The following PALS1 variants were observed in gnomAD, a reference collection of about 807,000 sequenced individuals.
PALS1 encodes the protein protein associated with LIN7 1, MAGUK p55 family member.
A neutral mutation model predicts 78.9 loss-of-function variants in PALS1; 31 were observed. The ratio of observed to expected loss-of-function variants is 0.39; its 90% CI spans 0.30 to 0.53. The LOEUF (loss-of-function observed/expected upper bound fraction) is 0.53, where lower values mean the gene tolerates loss of function less well. PALS1 is among the 20% of genes least tolerant of loss of function. PALS1 has a pLI of 0.67. For synonymous variants in PALS1, 276 were observed against 270.9 expected, an observed-to-expected ratio of 1.02 and a Z score of -0.18; for missense variants, 704 against 826.5, an observed-to-expected ratio of 0.85 and a Z score of 1.82.
chr14:67,261,972 T>G (rs1056958261), intron 1 of PALS1, among the ~76,000 whole-genome samples: 4 of 152,152 alleles, frequency 2.6e-5, no homozygotes, highest in Admixed American at 2.6e-4. Flanking sequence ...GAAGGAAGCA[T>G]GTAGTCAGCA....
At chr14:67,318,822 C>A (rs965835814) in intron 11 of PALS1, among the ~76,000 whole-genome samples, 1 of 152,050 alleles carries the variant, frequency 6.6e-6, no homozygotes, top group Non-Finnish European at 1.5e-5. Context: ...CTTTGGGAGG[C>A]CGAGGCAGGC....
At chr14:67,251,922 A>G (rs1051727878) in intron 1 of PALS1, among the ~76,000 whole-genome samples, 2 of 152,218 alleles carry the variant, frequency 1.3e-5, no homozygotes, top group Non-Finnish European at 1.5e-5. Context: ...CCAGTCACCA[A>G]TGGCCAGTAA....
At chr14:67,255,878 G>T (rs748994353) in intron 1 of PALS1, among the ~76,000 whole-genome samples, 2 of 152,264 alleles carry the variant, frequency 1.3e-5, no homozygotes, top group Middle Eastern at 3.4e-3. Context: ...GTAGAGACGG[G>T]GTTTCACCAT....
chr14:67,310,705 TTA>T (rs1365825393), intron 8 of PALS1, among the ~76,000 whole-genome samples: 1 of 152,226 alleles, frequency 6.6e-6, no homozygotes, highest in African/African-American at 2.4e-5. Flanking sequence ...TTTTTTAACC[TTA>T]GTTTCAGTTT....
intron 4 of PALS1, among the ~76,000 whole-genome samples, chr14:67,300,887 T>G: frequency 6.6e-6 from 1 of 152,104 alleles, no homozygotes; most frequent in Non-Finnish European, 1.5e-5. Flanking sequence ...AGACAGGGTC[T>G]CACTGTGTTG....
intron 3 of PALS1, among the ~76,000 whole-genome samples, chr14:67,287,612 A>G (rs551166789): frequency 6.6e-6 from 1 of 152,374 alleles, no homozygotes; most frequent in East Asian, 1.9e-4. Context: ...TAGGGGTATG[A>G]ATTGGTACAA....
At chr14:67,262,631 GT>G in intron 1 of PALS1, among the ~76,000 whole-genome samples, 1 of 152,164 alleles carries the variant, frequency 6.6e-6, no homozygotes, top group Admixed American at 6.5e-5. Context: ...GTCAACTCTG[GT>G]TACAGTATAG....
At chr14:67,273,341 C>G (rs749596525) in intron 2 of PALS1, among the ~76,000 whole-genome samples, 2 of 139,694 alleles carry the variant, frequency 1.4e-5, no homozygotes, top group Non-Finnish European at 3.0e-5. Context: ...TCTCATTTTT[C>G]AATTCCCACC....
intron 3 of PALS1, among the ~76,000 whole-genome samples, chr14:67,289,387 A>AT (rs1254339536): frequency 6.6e-6 from 1 of 152,156 alleles, no homozygotes; most frequent in Admixed American, 6.5e-5. Context: ...TCTAGAGCTG[A>AT]TTTTAGGTAA....
chr14:67,279,610 G>A, intron 3 of PALS1, 73 bp downstream of exon 3: 1 of 1,384,358 alleles, frequency 7.2e-7, no homozygotes, highest in Non-Finnish European at 9.7e-7. Context: ...TATATGAGAA[G>A]GAAGAGGGTT....
At chr14:67,246,042 C>G (rs534976428) in intron 1 of PALS1, among the ~76,000 whole-genome samples, 7 of 151,988 alleles carry the variant, frequency 4.6e-5, no homozygotes, top group Admixed American at 1.3e-4. Flanking sequence ...GTCTCTTTGT[C>G]AAAAGCTATT....
In PALS1 at chr14:67,279,547, AAT is replaced by A; in HGVS notation, c.367+12_367+13del. The A allele has an allele frequency of 6.6e-7, 1 of 1,517,970 alleles. No individual in the cohort carries two copies. Among genetic ancestry groups the A allele is most frequent in the East Asian group, 2.3e-5 (1 of 43,914 alleles). 94.0% of individuals were successfully genotyped at this position (1,517,970 alleles called of 1,614,324 possible). ...GCTGTGAAAATATTAGGTAAGTAAA[AAT>A]AGAGGTATAACAGAAAACATTTTGC... is the stretch of plus-strand genomic sequence containing the variant. On this transcript the variant is annotated intron_variant, in intron 3 of 14. Coordinates refer to ENST00000261681, the MANE Select transcript of PALS1 (RefSeq NM_022474.4).
At chr14:67,290,684 C>T (rs2084757884) in intron 3 of PALS1, among the ~76,000 whole-genome samples, 1 of 152,122 alleles carries the variant, frequency 6.6e-6, no homozygotes, top group South Asian at 2.1e-4. Context: ...AGGCGTGAGC[C>T]ACTGTGCCTA....
intron 3 of PALS1, among the ~76,000 whole-genome samples, chr14:67,285,366 A>ATTTTTT (rs767382946): frequency 7.3e-6 from 1 of 137,854 alleles, no homozygotes; most frequent in Admixed American, 7.4e-5. Context: ...CCTTAGGTAA[A>ATTTTTT]TTTTTTTTTT....
chr14:67,328,423 T>C (rs1486396897), intron 14 of PALS1, among the ~76,000 whole-genome samples: 1 of 152,240 alleles, frequency 6.6e-6, no homozygotes, highest in Non-Finnish European at 1.5e-5. Context: ...TTTCTCCCAT[T>C]CTGTAGGTTG....
intron 3 of PALS1, among the ~76,000 whole-genome samples, chr14:67,284,763 GCCTCTTTTCACTTA>G (rs1312744639): frequency 1.3e-5 from 2 of 151,756 alleles, no homozygotes; most frequent in East Asian, 3.9e-4. Context: ...TTTGTGACTG[GCCTCTTTTCACTTA>G]CCATTATGTT....
chr14:67,298,771 T>G (rs1444343386), intron 4 of PALS1, among the ~76,000 whole-genome samples: 1 of 152,198 alleles, frequency 6.6e-6, no homozygotes, highest in Non-Finnish European at 1.5e-5. Context: ...TATCAAGTTG[T>G]AGAAGCATCC....
chr14:67,306,849 TTAA>T (rs1331290502), intron 8 of PALS1, among the ~76,000 whole-genome samples: 1 of 152,222 alleles, frequency 6.6e-6, no homozygotes, highest in African/African-American at 2.4e-5. Flanking sequence ...ATCTATGGAA[TTAA>T]TAATCTAAAG....
intron 9 of PALS1, among the ~76,000 whole-genome samples, chr14:67,313,293 TAAC>T (rs901015158): frequency 2.0e-5 from 3 of 152,318 alleles, no homozygotes; most frequent in Non-Finnish European, 4.4e-5. Flanking sequence ...ATGCATCACT[TAAC>T]GACAGGGATA....
Sources: gnomAD v4.1 joint callset for allele counts (sites outside exome capture counted in the v4.1 genomes callset) on GRCh38, gnomAD v4.1.1 for gene constraint, MANE v1.5 for transcripts, NCBI Gene and HGNC (gene_info 2026-07-23, HGNC 2026-07-21) for gene names.